Variants in TRRAP observed in about 807,000 individuals in gnomAD.
The protein encoded by TRRAP is transformation/transcription domain-associated protein.
In TRRAP, 41 loss-of-function variants were observed where a neutral mutation model predicts 438.8. The observed-to-expected ratio is 0.09, with a 90% confidence interval of 0.07 to 0.12. TRRAP has a LOEUF of 0.12. TRRAP is among the 10% of genes least tolerant of loss of function. The pLI, the probability that TRRAP is intolerant of heterozygous loss-of-function variation, is 1.00. For synonymous variants in TRRAP, 1,994 were observed against 1,962.9 expected (o/e 1.02, Z -0.42); for missense variants, 3,122 against 5,055.1 (o/e 0.62, Z 11.60).
chr7:98,949,639 T>A, intron 36 of TRRAP, 21 bp from the exon 37 acceptor site: 1 of 1,603,728 alleles, frequency 6.2e-7, no homozygotes, highest in South Asian at 1.1e-5. Context: ...CACGGTTCCC[T>A]AATTATCTCT....
intron 66 of TRRAP, 141 bp downstream of exon 66, chr7:98,993,878 A>C: frequency 1.3e-6 from 1 of 791,312 alleles, no homozygotes. Flanking sequence ...TGGACCAGGC[A>C]AATAGCTATC....
intron 52 of TRRAP, 60 bp downstream of exon 52, chr7:98,970,351 G>T: frequency 1.9e-6 from 3 of 1,571,352 alleles, no homozygotes; most frequent in Non-Finnish European, 1.7e-6. Context: ...CACACCCCAC[G>T]GGCAGAATCC....
chr7:98,977,224 C>T lies in TRRAP; in HGVS notation c.8385+148C>T, dbSNP rs188600926. ...TCGCCCAGCCTGGAGTGCAGTGGCACAATCTCGGCTCACTGCAACCTCCAC... is the reference window on the plus strand; with the variant it reads ...TCGCCCAGCCTGGAGTGCAGTGGCATAATCTCGGCTCACTGCAACCTCCAC... On this transcript the variant is annotated intron_variant, in intron 56 of 72. Coordinates refer to ENST00000456197, the MANE Select transcript of TRRAP (RefSeq NM_001375524.1). 1,076 of 1,121,320 alleles carry T rather than the reference C, an allele frequency of 9.6e-4. 19 individuals carry two copies. In the East Asian group the frequency reaches 0.022, roughly 23 times the overall value. 69.5% of individuals were successfully genotyped at this position (1,121,320 alleles called of 1,614,324 possible).
chr7:98,881,267 T>C lies in TRRAP; in HGVS notation c.100+17T>C, dbSNP rs781842502. ...TGAATACACGTGAGTTGATCCTTTT[T>C]ATCATTAAGAAATGCATAAATAAGG... On this transcript the variant is annotated intron_variant, in intron 2 of 72. Coordinates refer to ENST00000456197, the MANE Select transcript of TRRAP (RefSeq NM_001375524.1). 1 of 1,582,052 alleles carries C rather than the reference T, an allele frequency of 6.3e-7. No homozygotes were observed. The highest frequency in any genetic ancestry group is 8.6e-7 in the Non-Finnish European group (1 of 1,161,818).
chr7:99,009,741 G>C (rs371261362), intron 70 of TRRAP, among the ~76,000 whole-genome samples: 2 of 152,168 alleles, frequency 1.3e-5, no homozygotes, highest in Admixed American at 6.5e-5. Flanking sequence ...GTGAGTGACC[G>C]ACTAGGCAGT....
In TRRAP at chr7:98,956,139, T is replaced by C. The variant is rs781927687; in HGVS notation, c.5938-7T>C. 6.2e-7 allele frequency: 1 copy of C among 1,608,428 alleles called. No homozygotes were observed. The highest frequency in any genetic ancestry group is 1.1e-5 in the South Asian group (1 of 90,932). ...GTTCCGGCGTGATGCTGGCCCTGCG[T>C]CCGCAGGTGTACTACCCGGTACGGC... On this transcript the variant is annotated splice_polypyrimidine_tract_variant and splice_region_variant and intron_variant, in intron 41 of 72. Transcript: ENST00000456197. This position sits in a 1 kb window ranked among gnomAD's most constrained non-coding sequence, Gnocchi z 4.5.
At chr7:98,882,138 A>G in intron 3 of TRRAP, 114 bp downstream of exon 3, 3 of 919,034 alleles carry the variant, frequency 3.3e-6, no homozygotes, top group South Asian at 3.5e-5. Context: ...TCTTTGTTCA[A>G]GTAATTTAGT....
At chr7:98,975,255 G>A (rs914659321) in intron 53 of TRRAP, among the ~76,000 whole-genome samples, 10 of 152,204 alleles carry the variant, frequency 6.6e-5, no homozygotes, top group Non-Finnish European at 8.8e-5. Context: ...TAGTAGAAAC[G>A]TGAATGTGCC....
chr7:98,922,471 CCCTGT>C (rs1293213756), intron 21 of TRRAP, among the ~76,000 whole-genome samples: 5 of 152,128 alleles, frequency 3.3e-5, no homozygotes, highest in African/African-American at 1.2e-4. Context: ...GCTGCCTTTG[CCCTGT>C]CTGTGTTGAA....
chr7:98,949,501 G>A lies in TRRAP; in HGVS notation c.4873G>A (p.Gly1625Arg). ...CAGGTTCATCACCCTGCTGCTGCCG[G>A]GGGGTGCCCAGACGGCTGTGCGCCC... ...PNRFITLLLPGGAQTAVRPGS... is the reference protein window; with the variant it reads ...PNRFITLLLPRGAQTAVRPGS... The change falls in exon 36 of 73, where the codon GGG (glycine) becomes AGG (arginine). Residue 1625 changes from glycine (G) to arginine (R), a missense_variant. By Grantham distance (125) the Gly-to-Arg change is moderately radical. Around this residue, in one of 24 missense-constraint regions of TRRAP, gnomAD observed 272 missense variants for 348.5 expected, o/e 0.78. Coordinates refer to ENST00000456197, the MANE Select transcript of TRRAP (RefSeq NM_001375524.1). The A allele has an allele frequency of 6.2e-7, 1 of 1,611,136 alleles. No individual in the cohort carries two copies. Among genetic ancestry groups the A allele is most frequent in the Non-Finnish European group, 8.5e-7 (1 of 1,178,804 alleles).
chr7:98,905,400 G>A (rs1796681789), intron 12 of TRRAP, among the ~76,000 whole-genome samples: 1 of 152,216 alleles, frequency 6.6e-6, no homozygotes, highest in Admixed American at 6.5e-5. Flanking sequence ...TACTGCAGCT[G>A]GCTTTATGTC....
chr7:98,902,164 GT>G (rs1284867787), intron 11 of TRRAP, among the ~76,000 whole-genome samples: 1 of 152,228 alleles, frequency 6.6e-6, no homozygotes, highest in Non-Finnish European at 1.5e-5. Flanking sequence ...GCTGTTAGAA[GT>G]TGTGTGTTGT....
At chr7:98,899,350 C>A in intron 8 of TRRAP, 72 bp from the exon 9 acceptor site, 1 of 1,249,666 alleles carries the variant, frequency 8.0e-7, no homozygotes, top group Non-Finnish European at 1.2e-6. Context: ...GGGTGATGCT[C>A]AGTGGGCACT....
chr7:98,994,565 G>T lies in TRRAP; in HGVS notation c.10048-22G>T. 1 of 1,613,248 alleles carries T rather than the reference G, an allele frequency of 6.2e-7. No individual in the cohort carries two copies. The highest frequency in any genetic ancestry group is 8.5e-7 in the Non-Finnish European group (1 of 1,179,614). On this transcript the variant is annotated intron_variant, in intron 66 of 72. Transcript: ENST00000456197. This position sits in a 1 kb window ranked among gnomAD's most constrained non-coding sequence, Gnocchi z 4.8. ...GAGTGGAGGGCTGTGTTTGTCAGTT[G>T]TCTCTGGCTCTTTTCTACCAGGTTC...
chr7:98,991,235 C>T (rs184811356), intron 64 of TRRAP, among the ~76,000 whole-genome samples: 9 of 152,330 alleles, frequency 5.9e-5, no homozygotes, highest in South Asian at 4.1e-4. Context: ...ACGGCGGAAG[C>T]GTGGCTACAG....
In TRRAP at chr7:99,007,573, T is replaced by C. The variant is rs377629057; in HGVS notation, c.10754-804T>C. Among the ~76,000 whole-genome samples, 358 of 152,116 alleles carry C rather than the reference T, an allele frequency of 2.4e-3. 3 individuals carry two copies. Among genetic ancestry groups the C allele is most frequent in the African/African-American group, 8.3e-3 (344 of 41,490 alleles). ...CATGTTGGCCAGGCTGGTCTCAAAC[T>C]CCTGACCTCATGTGATCCACCCACC... On this transcript the variant is annotated intron_variant, in intron 69 of 72. Transcript: ENST00000456197.
Position 98,949,588 on chromosome 7 carries a change from C to A in TRRAP, c.4953+7C>A, listed in dbSNP as rs782754716. On this transcript the variant is annotated splice_region_variant and intron_variant, in intron 36 of 72. Transcript: ENST00000456197. ...CCAGTTCCAGGCCATCAAGGTAGCG[C>A]CCCTTCCTCCAGCCCCCAATGCCCA... is the stretch of plus-strand genomic sequence containing the variant. 2 of 1,584,310 alleles carry A rather than the reference C, an allele frequency of 1.3e-6. No homozygotes were observed. The highest frequency in any genetic ancestry group is 1.7e-6 in the Non-Finnish European group (2 of 1,165,042).
chr7:98,906,997 A>G (rs1255930221), intron 13 of TRRAP, among the ~76,000 whole-genome samples: 2 of 151,654 alleles, frequency 1.3e-5, no homozygotes, highest in African/African-American at 4.8e-5. Flanking sequence ...GTATGTCCGT[A>G]TAATCTTTGT....
chr7:98,925,417 A>G (rs1220985707), intron 22 of TRRAP, among the ~76,000 whole-genome samples, 154 bp downstream of exon 22: 1 of 152,232 alleles, frequency 6.6e-6, no homozygotes, highest in East Asian at 1.9e-4. Flanking sequence ...TTGGGGCCTT[A>G]GAGAAAATGG....
Sources: gnomAD v4.1 joint callset for allele counts (sites outside exome capture counted in the v4.1 genomes callset) on GRCh38, gnomAD v4.1.1 for gene constraint, gnomAD v4.1.1 regional missense constraint, Gnocchi (gnomAD v3.1) non-coding constraint, MANE v1.5 for transcripts, NCBI Gene and HGNC (gene_info 2026-07-23, HGNC 2026-07-21) for gene names.